UPF1: variants seen among roughly 807,000 people sequenced by gnomAD.
UPF1 encodes UPF1 RNA helicase and ATPase.
In UPF1, 9 loss-of-function variants were observed where a neutral mutation model predicts 129.2. The ratio of observed to expected loss-of-function variants is 0.07; its 90% CI spans 0.04 to 0.12. The LOEUF is 0.12. Among genes scored for constraint, UPF1 ranks in the 10% least tolerant of loss-of-function variants. The probability of loss-of-function intolerance (pLI) is 1.00; values close to 1 mark genes in which losing one functional copy is unlikely to be tolerated. For synonymous variants in UPF1, 649 were observed against 644.9 expected, an observed-to-expected ratio of 1.01 and a Z score of -0.10; for missense variants, 788 against 1,525.3, an observed-to-expected ratio of 0.52 and a Z score of 8.05.
chr19:18,855,854 CAG>C (rs1454182277), intron 11 of UPF1, 69 bp from the exon 12 acceptor site: 31 of 1,560,550 alleles, frequency 2.0e-5, no homozygotes, highest in South Asian at 2.4e-5. Flanking sequence ...TCTCAAAAAA[CAG>C]AGTCTTGGCT....
chr19:18,860,082 G>A (rs1442401320), intron 15 of UPF1: 5 of 516,608 alleles, frequency 9.7e-6, no homozygotes, highest in Non-Finnish European at 1.7e-5. Context: ...CCTGTTCAGG[G>A]GCTGAGCCAG....
chr19:18,843,824 C>T (rs1568271958), intron 1 of UPF1, among the ~76,000 whole-genome samples: 1 of 151,760 alleles, frequency 6.6e-6, no homozygotes, highest in Non-Finnish European at 1.5e-5. Flanking sequence ...TAGCTCACAG[C>T]GGCCTTGACC....
In UPF1 at chr19:18,832,231, C is replaced by A; in HGVS notation, c.22C>A (p.Pro8Thr). 1 of 1,547,358 alleles carries A rather than the reference C, an allele frequency of 6.5e-7. No individual in the cohort carries two copies. Among genetic ancestry groups the A allele is most frequent in the Non-Finnish European group, 8.7e-7 (1 of 1,146,286 alleles). Residue 8 changes from proline (P) to threonine (T), a missense_variant, in exon 1 of 24, where the codon CCC becomes ACC. Coordinates refer to ENST00000262803, the MANE Select transcript of UPF1 (RefSeq NM_002911.4). This position sits in a 1 kb window ranked among gnomAD's most constrained non-coding sequence, Gnocchi z 5.6. The part of the protein sequence containing the change: MSVEAYG[P>T]SSQTLTFLDT... ...CACCATGAGCGTGGAGGCGTACGGG[C>A]CCAGCTCGCAGACTCTCACTTTCCT...
intron 1 of UPF1, among the ~76,000 whole-genome samples, chr19:18,834,477 A>T (rs746387895): frequency 2.6e-5 from 4 of 152,084 alleles, no homozygotes; most frequent in African/African-American, 9.7e-5. Context: ...ACCTGAACAC[A>T]CTGGGCTGTA....
In UPF1 at chr19:18,832,612, C is replaced by G. The variant is rs2055440314; in HGVS notation, c.231+172C>G. On this transcript the variant is annotated intron_variant, in intron 1 of 23. Transcript: ENST00000262803. This position sits in a 1 kb window ranked among gnomAD's most constrained non-coding sequence, Gnocchi z 5.6. ...TGGCTCGGCCTGAGCTTACCTGCCC[C>G]AGGTCCTGCAATCTGCCCGGGCCTG... Among the ~76,000 whole-genome samples the G allele has an allele frequency of 1.3e-5, 2 of 152,162 alleles. No homozygotes were observed. The highest frequency in any genetic ancestry group is 1.3e-4 in the Admixed American group (2 of 15,284).
At chr19:18,843,863 A>T (rs2055569405) in intron 1 of UPF1, among the ~76,000 whole-genome samples, 1 of 151,952 alleles carries the variant, frequency 6.6e-6, no homozygotes, top group Non-Finnish European at 1.5e-5. Context: ...CTCCGGCCTC[A>T]ACCTCCTGAT....
intron 15 of UPF1, among the ~76,000 whole-genome samples, chr19:18,858,444 C>T (rs990544848): frequency 1.3e-5 from 2 of 152,038 alleles, no homozygotes; most frequent in African/African-American, 2.4e-5. Context: ...CTACTTGACT[C>T]GGTGGGAGAT....
At position 18,855,991 on chromosome 19, in the gene UPF1, G is replaced by A. The variant is rs759982660; in HGVS notation, c.1611G>A (p.Thr537=). Residue 537 remains threonine (T), a synonymous_variant, in exon 12 of 24, where the codon ACG becomes ACA. Coordinates refer to ENST00000262803, the MANE Select transcript of UPF1 (RefSeq NM_002911.4). The stretch of plus-strand genomic sequence containing the variant: ...AGCTAACGGAGAAGATCCACCAGAC[G>A]GGGCTAAAGGTCGTGCGCCTCTGCG... ...VDQLTEKIHQ[T]GLKVVRLCAK... is the part of the protein sequence containing the mutation. 17 of 1,613,826 alleles carry A rather than the reference G, an allele frequency of 1.1e-5. No homozygotes were observed. In the East Asian group the frequency reaches 1.6e-4, roughly 15 times the overall value.
At chr19:18,859,228 G>T (rs116889892) in intron 15 of UPF1, among the ~76,000 whole-genome samples, 11 of 152,342 alleles carry the variant, frequency 7.2e-5, no homozygotes, top group Non-Finnish European at 1.5e-4. Context: ...GGTCCCCAGG[G>T]CATCGGCCCA....
intron 20 of UPF1, among the ~76,000 whole-genome samples, chr19:18,864,522 A>G (rs1010885956): frequency 6.6e-6 from 1 of 152,238 alleles, no homozygotes; most frequent in Non-Finnish European, 1.5e-5. Flanking sequence ...TGCATGTAGT[A>G]CAAATAGAAC....
intron 1 of UPF1, among the ~76,000 whole-genome samples, chr19:18,834,999 C>T (rs1188128191): frequency 1.3e-5 from 2 of 152,124 alleles, no homozygotes; most frequent in Non-Finnish European, 2.9e-5. Context: ...TACAGTTCGG[C>T]GGCTTTTATT....
At chr19:18,845,626 G>A (rs1334574793) in intron 1 of UPF1, among the ~76,000 whole-genome samples, 1 of 152,154 alleles carries the variant, frequency 6.6e-6, no homozygotes, top group Non-Finnish European at 1.5e-5. Flanking sequence ...TCATGAAGCT[G>A]TCCTCAGGGC....
At chr19:18,852,709 TCCTC>T (rs1007783556) in intron 6 of UPF1, among the ~76,000 whole-genome samples, 4 of 142,604 alleles carry the variant, frequency 2.8e-5, no homozygotes, top group African/African-American at 1.0e-4. Flanking sequence ...CTCTCTCTCT[TCCTC>T]CCTCCCACAG....
chr19:18,856,475 G>A (rs1186326053), intron 13 of UPF1, among the ~76,000 whole-genome samples, 175 bp downstream of exon 13: 1 of 152,184 alleles, frequency 6.6e-6, no homozygotes, highest in Non-Finnish European at 1.5e-5. Context: ...CTCGCTGCCT[G>A]GAACACGGTC....
chr19:18,837,203 C>T (rs1228936429), intron 1 of UPF1, among the ~76,000 whole-genome samples: 3 of 152,128 alleles, frequency 2.0e-5, no homozygotes, highest in Admixed American at 2.0e-4. Context: ...GATCCTTCCA[C>T]CTCAGCCTCC....
At chr19:18,863,111 C>T (rs987894546) in intron 18 of UPF1, 3 of 264,384 alleles carry the variant, frequency 1.1e-5, no homozygotes, top group Non-Finnish European at 7.3e-6. Context: ...CCCCGGCCTG[C>T]TGGGGGCCCT....
intron 17 of UPF1, 139 bp from the exon 18 acceptor site, chr19:18,861,871 C>G (rs1421515787): frequency 4.4e-6 from 5 of 1,125,814 alleles, no homozygotes; most frequent in Non-Finnish European, 6.2e-6. Flanking sequence ...GCCAGGACAG[C>G]CCCTAGGTGC....
Position 18,852,157 on chromosome 19 carries a change from A to G in UPF1, c.833A>G (p.Glu278Gly), listed in dbSNP as rs752568747. 4.3e-6 allele frequency: 7 copies of G among 1,609,576 alleles called. No homozygotes were observed. The highest frequency in any genetic ancestry group is 5.9e-6 in the Non-Finnish European group (7 of 1,177,956). ...LWKENPSATL[E>G]DLEKPGVDEE... is the part of the protein sequence containing the mutation. ...TAGGAAAACCCTTCTGCCACGCTGG[A>G]GGACCTGGAGAAGCCGGGGGTGGAC... The change falls in exon 6 of 24, where the codon GAG becomes GGG. Residue 278 changes from glutamate to glycine, a missense_variant. By Grantham distance (98) the Glu-to-Gly change is moderately conservative (BLOSUM62 -2). Around this residue, in one of 6 missense-constraint regions of UPF1, gnomAD observed 227 missense variants for 517.9 expected, o/e 0.44. Transcript: ENST00000262803.
chr19:18,848,272 G>A, intron 3 of UPF1: 1 of 170,324 alleles, frequency 5.9e-6, no homozygotes, highest in South Asian at 1.2e-4. Flanking sequence ...CTTCAATTAA[G>A]TTCACTTGAC....
Sources: allele counts gnomAD v4.1 joint callset (sites outside exome capture counted in the v4.1 genomes callset), GRCh38; gene constraint gnomAD v4.1.1; regional missense constraint gnomAD v4.1.1; non-coding constraint Gnocchi (gnomAD v3.1); transcripts MANE v1.5; gene names NCBI Gene and HGNC (gene_info 2026-07-23, HGNC 2026-07-21).